TMEM132D: variants seen among roughly 807,000 people sequenced by gnomAD.
The protein encoded by TMEM132D is mature OL transmembrane protein.
Under a neutral mutation model 62.3 loss-of-function variants are expected in TMEM132D, and 21 were observed. That is an observed-to-expected ratio of 0.34 (90% CI 0.24 to 0.49). The LOEUF is 0.49. TMEM132D is among the 20% of genes least tolerant of loss of function. TMEM132D has a pLI of 0.99. For synonymous variants in TMEM132D, 621 were observed against 575.6 expected, an observed-to-expected ratio of 1.08 and a Z score of -1.13; for missense variants, 1,346 against 1,402.8, an observed-to-expected ratio of 0.96 and a Z score of 0.65.
At chr12:129,773,584 G>A (rs558275414) in intron 1 of TMEM132D, among the ~76,000 whole-genome samples, 3 of 152,184 alleles carry the variant, frequency 2.0e-5, no homozygotes, top group African/African-American at 7.2e-5. Flanking sequence ...CCCGAGAACA[G>A]AGAGAGGCTT....
At chr12:129,393,737 A>G (rs1171427578) in intron 3 of TMEM132D, among the ~76,000 whole-genome samples, 2 of 152,218 alleles carry the variant, frequency 1.3e-5, no homozygotes, top group Non-Finnish European at 1.5e-5. Context: ...ACACTTGAGC[A>G]AGCAACCCAC....
rs12427178 is a variant in TMEM132D, at chr12:129,731,148, G to A, written c.80-30450C>T. Among the ~76,000 whole-genome samples, 979 of 152,174 alleles carry A rather than the reference G, an allele frequency of 6.4e-3. 24 individuals carry two copies. Among genetic ancestry groups the A allele is most frequent in the Admixed American group, 0.048 (739 of 15,288 alleles). On this transcript the variant is annotated intron_variant, in intron 1 of 8. Transcript: ENST00000422113. ...CTTTACCATTCAGTCCACGGTAGAA[G>A]GTTTATATAATGCTTTGTACGGTCT...
At chr12:129,167,557 C>T (rs1217933315) in intron 5 of TMEM132D, among the ~76,000 whole-genome samples, 1 of 152,026 alleles carries the variant, frequency 6.6e-6, no homozygotes, top group African/African-American at 2.4e-5. Flanking sequence ...CTGGTCCTGG[C>T]ATGGGGTCTC....
intron 4 of TMEM132D, among the ~76,000 whole-genome samples, chr12:129,235,397 T>C (rs927380484): frequency 7.0e-5 from 8 of 114,402 alleles, no homozygotes; most frequent in Non-Finnish European, 1.5e-4. Flanking sequence ...CAGCCCCTAA[T>C]GGGTTTTTTT....
chr12:129,800,031 T>A (rs992454311), intron 1 of TMEM132D, among the ~76,000 whole-genome samples: 8 of 152,152 alleles, frequency 5.3e-5, no homozygotes, highest in Non-Finnish European at 2.9e-5. Flanking sequence ...GCTTTAGAGC[T>A]GAAAATGTCC....
chr12:129,124,906 A>C (rs1876170052), intron 5 of TMEM132D, among the ~76,000 whole-genome samples: 1 of 152,060 alleles, frequency 6.6e-6, no homozygotes, highest in African/African-American at 2.4e-5. Flanking sequence ...CTCAGTTTCC[A>C]CTCTAAGAGG....
intron 1 of TMEM132D, among the ~76,000 whole-genome samples, chr12:129,708,621 A>C (rs1489367845): frequency 2.2e-5 from 2 of 91,392 alleles, no homozygotes; most frequent in Non-Finnish European, 4.2e-5. Flanking sequence ...AAAAAAAAAA[A>C]AAAAAAAAAA....
intron 3 of TMEM132D, among the ~76,000 whole-genome samples, chr12:129,338,242 A>G (rs530742064): frequency 7.9e-4 from 121 of 152,310 alleles, no homozygotes; most frequent in African/African-American, 2.9e-3. Context: ...GGTTGCACAG[A>G]ATTTTAAGGA....
In TMEM132D at chr12:129,317,755, C is replaced by A. The variant is rs144366240; in HGVS notation, c.1299+19879G>T. Among the ~76,000 whole-genome samples the A allele has an allele frequency of 2.2e-4, 33 of 152,258 alleles. No individual in the cohort carries two copies. The East Asian group carries it at 4.1e-3, about 19-fold the overall frequency. On this transcript the variant is annotated intron_variant, in intron 4 of 8. Transcript: ENST00000422113. ...ATACGTTTTCCAAGCTTTTACAATT[C>A]TCTTCTTCCTCAGGAAAGCTGATTA...
intron 2 of TMEM132D, among the ~76,000 whole-genome samples, chr12:129,541,216 C>CGCAG (rs2137097822): frequency 6.6e-6 from 1 of 152,250 alleles, no homozygotes; most frequent in African/African-American, 2.4e-5. Flanking sequence ...AAGGAACACA[C>CGCAG]GCAGGCAGGC....
chr12:129,509,422 C>T (rs1390053995), intron 3 of TMEM132D, among the ~76,000 whole-genome samples: 1 of 152,000 alleles, frequency 6.6e-6, no homozygotes, highest in Non-Finnish European at 1.5e-5. Flanking sequence ...ATGTAATAAC[C>T]ACATCACAGA....
chr12:129,340,557 G>A (rs549426510), intron 3 of TMEM132D, among the ~76,000 whole-genome samples: 4 of 151,722 alleles, frequency 2.6e-5, no homozygotes, highest in Admixed American at 6.6e-5. Context: ...AACATGCGGT[G>A]TTTGGTTTTT....
intron 5 of TMEM132D, among the ~76,000 whole-genome samples, chr12:129,157,031 G>T (rs1251707646): frequency 2.6e-5 from 4 of 151,600 alleles, no homozygotes; most frequent in African/African-American, 7.3e-5. Context: ...GAGATAATGA[G>T]CCCACCCCTA....
chr12:129,839,320 G>A (rs1487358759), intron 1 of TMEM132D, among the ~76,000 whole-genome samples: 3 of 151,282 alleles, frequency 2.0e-5, no homozygotes, highest in Non-Finnish European at 2.9e-5. Flanking sequence ...TAAAAACGGG[G>A]TTTCACTATG....
At chr12:129,206,884 G>A (rs1878863242) in intron 5 of TMEM132D, among the ~76,000 whole-genome samples, 1 of 152,118 alleles carries the variant, frequency 6.6e-6, no homozygotes, top group African/African-American at 2.4e-5. Flanking sequence ...GCTTACAAGT[G>A]GGAGATCAAC....
intron 3 of TMEM132D, among the ~76,000 whole-genome samples, chr12:129,433,400 G>T (rs927611048): frequency 6.6e-6 from 1 of 151,958 alleles, no homozygotes; most frequent in Non-Finnish European, 1.5e-5. Flanking sequence ...CAGTAATTCC[G>T]CACTCTCAAT....
rs71082709 is a variant in TMEM132D, at chr12:129,420,306, G to GTTTTTTTTTTTTTTTTTT, written c.1116-82507_1116-82490dup. ...AATTTCAAATTATTGCACGTTCTCT[G>GTTTTTTTTTTTTTTTTTT]TTTTTTTTTTTTTTTTTTTTTTTTG... On this transcript the variant is annotated intron_variant, in intron 3 of 8. Coordinates refer to ENST00000422113, the MANE Select transcript of TMEM132D (RefSeq NM_133448.3). Among the ~76,000 whole-genome samples, 88 of 112,260 alleles carry GTTTTTTTTTTTTTTTTTT rather than the reference G, an allele frequency of 7.8e-4. 6 individuals carry two copies. The highest frequency in any genetic ancestry group is 1.2e-3 in the African/African-American group (30 of 24,938). The allele number at this position is 112,260 out of a possible 152,430, so 73.6% of individuals were successfully genotyped here.
chr12:129,584,678 C>A (rs12307961), intron 2 of TMEM132D, among the ~76,000 whole-genome samples: 2,189 of 152,350 alleles, frequency 0.014, 67 homozygotes, highest in African/African-American at 0.05. Flanking sequence ...ATGGCCTAGA[C>A]TAGGCTCCAC....
chr12:129,684,925 A>G (rs928034546), intron 2 of TMEM132D, among the ~76,000 whole-genome samples: 7 of 152,114 alleles, frequency 4.6e-5, no homozygotes, highest in African/African-American at 1.7e-4. Context: ...GAGAGATTGA[A>G]ATGATTTAGG....
Sources: gnomAD v4.1 joint callset for allele counts (sites outside exome capture counted in the v4.1 genomes callset) on GRCh38, gnomAD v4.1.1 for gene constraint, MANE v1.5 for transcripts, NCBI Gene and HGNC (gene_info 2026-07-23, HGNC 2026-07-21) for gene names.